Variants in P2RX5 observed in about 807,000 individuals in gnomAD.
P2RX5 encodes the protein purinergic receptor P2X 5.
Under a neutral mutation model 54.1 loss-of-function variants are expected in P2RX5, and 46 were observed. The observed-to-expected ratio is 0.85, with a 90% CI of 0.67 to 1.09. The LOEUF is 1.09. P2RX5 is among the 50% of genes least tolerant of loss of function. P2RX5 has a pLI of 0.00. For missense variants in P2RX5, 566 were observed against 549.8 expected (o/e 1.03, Z -0.29); for synonymous variants, 226 against 226.4 (o/e 1.00, Z 0.02).
chr17:3,677,300 C>A, intron 11 of P2RX5: 4 of 985,322 alleles, frequency 4.1e-6, no homozygotes, highest in Non-Finnish European at 4.8e-6. Flanking sequence ...AGGGTCAAGG[C>A]GACTGTATCT....
upstream of P2RX5, among the ~76,000 whole-genome samples, chr17:3,699,874 A>AAAGAAAGAAAGGAAGGAAGG (rs1567744280): frequency 1.1e-3 from 48 of 42,716 alleles, no homozygotes; most frequent in Non-Finnish European, 2.0e-3. Flanking sequence ...AGAAAGAAAG[A>AAAGAAAGAAAGGAAGGAAGG]AAGGAAGGAA....
At chr17:3,721,799 A>G in the P2RX5 span, 1 of 152,060 alleles carries the variant, frequency 6.6e-6, no homozygotes, top group Admixed American at 6.6e-5. Flanking sequence ...TAATCCCAGC[A>G]CTTCGGGAGG....
At chr17:3,680,720 T>A (rs1353815654) in intron 10 of P2RX5, among the ~76,000 whole-genome samples, 4 of 96,142 alleles carry the variant, frequency 4.2e-5, no homozygotes, top group Non-Finnish European at 4.3e-5. Flanking sequence ...TCCTCCACCC[T>A]GCATCCTCCA....
intron 10 of P2RX5, among the ~76,000 whole-genome samples, chr17:3,680,775 C>T (rs1277677935): frequency 2.7e-5 from 3 of 110,464 alleles, no homozygotes; most frequent in Middle Eastern, 6.6e-3. Context: ...ATCCTCCACC[C>T]AGTGTCCTCC....
intron 9 of P2RX5, chr17:3,685,704 TCCCAACGTCC>T (rs2050438213): frequency 2.8e-5 from 1 of 35,562 alleles, no homozygotes; most frequent in South Asian, 5.1e-3. Flanking sequence ...CCAGGGACCC[TCCCAACGTCC>T]CCCTCCCAGC....
the P2RX5 span, chr17:3,723,425 G>A: frequency 1.4e-5 from 20 of 1,423,916 alleles, no homozygotes; most frequent in Non-Finnish European, 2.0e-5. Context: ...CTTTCCGTGC[G>A]GAAAGTCTGA....
chr17:3,712,666 G>A, the P2RX5 span, among the ~76,000 whole-genome samples: 3 of 152,184 alleles, frequency 2.0e-5, no homozygotes, highest in Non-Finnish European at 4.4e-5. Context: ...CAGTTTGGCC[G>A]GGCCCGGATT....
intron 1 of P2RX5, among the ~76,000 whole-genome samples, chr17:3,695,425 G>A (rs975236296): frequency 3.3e-5 from 5 of 152,126 alleles, no homozygotes; most frequent in Non-Finnish European, 7.4e-5. Flanking sequence ...CCAGCTCTGA[G>A]TAGGCAGTGA....
rs201754724 is a variant in P2RX5, at chr17:3,690,659, C to T, written c.382G>A (p.Ala128Thr). Residue 128 changes from alanine to threonine, a missense_variant, in exon 4 of 12, where the codon GCG becomes ACG. Physicochemically the swap from Ala to Thr is moderately conservative, Grantham distance 58 (BLOSUM62 0). Coordinates refer to ENST00000225328, the MANE Select transcript of P2RX5 (RefSeq NM_002561.4). Reference protein sequence around the residue: ...CAENEGIPDGACSKDSDCHAG... With the variant: ...CAENEGIPDGTCSKDSDCHAG... ...TGGCAGTCGCTGTCCTTGGAGCACG[C>T]GCCATCAGGAATGCCTTCATTCTGC... 7.7e-5 allele frequency: 125 copies of T among 1,613,164 alleles called. No homozygotes were observed. Among genetic ancestry groups the T allele is most frequent in the Middle Eastern group, 3.3e-4 (2 of 6,084 alleles).
intron 6 of P2RX5, 147 bp downstream of exon 6, chr17:3,689,923 C>G (rs577208394): frequency 1.2e-6 from 1 of 852,884 alleles, no homozygotes; most frequent in African/African-American, 1.6e-5. Flanking sequence ...GACACATGCA[C>G]GCGCACACAC....
At chr17:3,716,743 T>C in the P2RX5 span, 1 of 1,611,812 alleles carries the variant, frequency 6.2e-7, no homozygotes, top group Non-Finnish European at 8.5e-7. Flanking sequence ...AACGCTGCCT[T>C]TAATGATGAT....
chr17:3,715,727 T>G, the P2RX5 span, among the ~76,000 whole-genome samples: 5 of 151,926 alleles, frequency 3.3e-5, no homozygotes, highest in Non-Finnish European at 7.4e-5. Context: ...TGTGGTGGCA[T>G]GCACCTGAGT....
At chr17:3,683,654 T>C (rs980792031) in intron 9 of P2RX5, among the ~76,000 whole-genome samples, 1 of 142,802 alleles carries the variant, frequency 7.0e-6, no homozygotes, top group African/African-American at 2.6e-5. Context: ...TGCTTGAGCC[T>C]GGGAGGCAGA....
chr17:3,714,526 A>C, the P2RX5 span: 1 of 200,844 alleles, frequency 5.0e-6, no homozygotes, highest in Non-Finnish European at 1.0e-5. Flanking sequence ...ATGCCCGGCC[A>C]CAATCTATCA....
intron 1 of P2RX5, among the ~76,000 whole-genome samples, chr17:3,693,027 G>A (rs563259632): frequency 5.1e-4 from 77 of 150,792 alleles, no homozygotes; most frequent in African/African-American, 1.8e-3. Flanking sequence ...AGCTGGTAAG[G>A]GTTTAGTATC....
the P2RX5 span, among the ~76,000 whole-genome samples, chr17:3,709,387 C>G: frequency 2.0e-5 from 3 of 152,074 alleles, no homozygotes; most frequent in Non-Finnish European, 4.4e-5. Context: ...AATTTGCTCC[C>G]ACTAATAAAA....
At chr17:3,683,064 G>A (rs867177241) in intron 9 of P2RX5, among the ~76,000 whole-genome samples, 1 of 152,018 alleles carries the variant, frequency 6.6e-6, no homozygotes, top group Non-Finnish European at 1.5e-5. Context: ...AAACAAAAAA[G>A]GAAGATGATG....
chr17:3,722,133 CG>C, the P2RX5 span, among the ~76,000 whole-genome samples: 1,156 of 150,690 alleles, frequency 7.7e-3, 7 homozygotes, highest in Non-Finnish European at 0.012. Context: ...GAGCCGAGAT[CG>C]TGCCATTGCA....
intron 9 of P2RX5, among the ~76,000 whole-genome samples, chr17:3,683,257 G>A (rs1432802870): frequency 6.6e-6 from 1 of 152,098 alleles, no homozygotes; most frequent in Admixed American, 6.6e-5. Context: ...AAGGAATCTT[G>A]GTCCCCTGAC....
Sources: gnomAD v4.1 joint callset for allele counts (sites outside exome capture counted in the v4.1 genomes callset) on GRCh38, gnomAD v4.1.1 for gene constraint, MANE v1.5 for transcripts, NCBI Gene and HGNC (gene_info 2026-07-23, HGNC 2026-07-21) for gene names.